The following GLUL variants were observed in gnomAD, a reference collection of about 807,000 sequenced individuals.
The protein encoded by GLUL is glutamate-ammonia ligase, also known as glutamine synthetase.
A neutral mutation model predicts 36.9 loss-of-function variants in GLUL; 8 were observed. That is an observed-to-expected ratio of 0.22 (90% CI 0.13 to 0.39). GLUL has a LOEUF of 0.39. Ranked by LOEUF, GLUL falls within the 10% of genes least tolerant of loss-of-function variation. The probability of loss-of-function intolerance (pLI) is 1.00; values close to 1 mark genes in which losing one functional copy is unlikely to be tolerated. For missense variants in GLUL, 315 were observed against 501.8 expected (o/e 0.63, Z 3.56); for synonymous variants, 182 against 172.8 (o/e 1.05, Z -0.42).
In GLUL at chr1:182,384,027, G is replaced by A. The variant is rs538597312; in HGVS notation, c.*378C>T. 173 of 294,124 alleles carry A rather than the reference G, an allele frequency of 5.9e-4. No homozygotes were observed. The highest frequency in any genetic ancestry group is 3.5e-3 in the African/African-American group (162 of 46,228). The allele number at this position is 294,124 out of a possible 1,614,324, so 18.2% of individuals were successfully genotyped here. On this transcript the variant is annotated 3_prime_UTR_variant, in exon 7 of 7. Transcript: ENST00000331872. ...GCAAGTCCTAACCTAACCAGAGTAC[G>A]TCAGGTCTTCCCCTTTCAGCTACCT...
rs1302149746 is a variant in GLUL at position 182,380,806 on chromosome 1, T to C, written c.*3599A>G. On this transcript the variant is annotated 3_prime_UTR_variant, in exon 7 of 7. Coordinates refer to ENST00000331872, the MANE Select transcript of GLUL (RefSeq NM_001033044.4). ...ACAGGATCTCTTGCTTTCATGAAGT[T>C]CAACTAGAAAGTCCTGTCGAATGAT... 2.6e-5 allele frequency among the ~76,000 whole-genome samples: 4 copies of C among 152,362 alleles called. No individual in the cohort carries two copies. In the South Asian group the frequency reaches 6.2e-4, roughly 24 times the overall value.
rs1558157895 is a variant in GLUL at position 182,384,791 on chromosome 1, C to CA, written c.804-69dup. The CA allele has an allele frequency of 5.4e-6, 6 of 1,117,754 alleles. No individual in the cohort carries two copies. In the South Asian group the frequency reaches 6.2e-5, roughly 12 times the overall value. The allele number at this position is 1,117,754 out of a possible 1,614,324, so 69.2% of individuals were successfully genotyped here. A position where few individuals can be genotyped will look rare whatever the true frequency, so the allele number is the denominator to read the frequency against. ...GTATGGAGCCAAGAATGAAGTGCAC[C>CA]AAAATATGATACCAGTAGAACAAAT... On this transcript the variant is annotated intron_variant, in intron 6 of 6. Transcript: ENST00000331872.
At position 182,384,116 on chromosome 1, in the gene GLUL, C is replaced by A. The variant is rs1222418916; in HGVS notation, c.*289G>T. 1 of 424,088 alleles carries A rather than the reference C, an allele frequency of 2.4e-6. No individual in the cohort carries two copies. The highest frequency in any genetic ancestry group is 5.3e-5 in the East Asian group (1 of 18,926). 26.3% of individuals were successfully genotyped at this position (424,088 alleles called of 1,614,324 possible). A position where few individuals can be genotyped will look rare whatever the true frequency, so the allele number is the denominator to read the frequency against. The stretch of plus-strand genomic sequence containing the variant: ...GATAGCTACGCCTATTGGACAGGTG[C>A]ACCCCATTAAATGGAAGCAGTGGTT... On this transcript the variant is annotated 3_prime_UTR_variant, in exon 7 of 7. Transcript: ENST00000331872.
chr1:182,383,947 C>T lies in GLUL; in HGVS notation c.*458G>A, dbSNP rs1481833855. 5.0e-6 allele frequency: 1 copy of T among 198,620 alleles called. No homozygotes were observed. The highest frequency in any genetic ancestry group is 1.1e-5 in the Non-Finnish European group (1 of 94,712). 12.3% of individuals were successfully genotyped at this position (198,620 alleles called of 1,614,324 possible). On this transcript the variant is annotated 3_prime_UTR_variant, in exon 7 of 7. Transcript: ENST00000331872. ...AACCCCTACCTTCTCTCCTAATTCC[C>T]ACTTTTAATAGAAAAGTTGGTTATA...
chr1:182,388,933 G>A, intron 1 of GLUL, 183 bp from the exon 2 acceptor site: 2 of 607,652 alleles, frequency 3.3e-6, no homozygotes, highest in Non-Finnish European at 3.0e-6. Flanking sequence ...TTTTATAGTA[G>A]GCAAAAATCT....
chr1:182,390,716 C>A, intron 1 of GLUL: 1 of 399,092 alleles, frequency 2.5e-6, no homozygotes, highest in Non-Finnish European at 4.4e-6. Flanking sequence ...GACTCGAGAT[C>A]TCTCCCCGGA....
chr1:182,379,985 C>G lies in GLUL; in HGVS notation c.*4420G>C, dbSNP rs911870699. Among the ~76,000 whole-genome samples the G allele has an allele frequency of 6.6e-6, 1 of 151,980 alleles. No homozygotes were observed. Among genetic ancestry groups the G allele is most frequent in the Non-Finnish European group, 1.5e-5 (1 of 68,000 alleles). ...TCAGTCTCCCAAGCAGCTGGGATTA[C>G]AGGCATGTGCCACCACGCCCGGCTA... On this transcript the variant is annotated 3_prime_UTR_variant, in exon 7 of 7. Transcript: ENST00000331872.
In GLUL at chr1:182,382,213, T is replaced by G. The variant is rs959850528; in HGVS notation, c.*2192A>C. 3.9e-5 allele frequency: 6 copies of G among 152,210 alleles called. No homozygotes were observed. The highest frequency in any genetic ancestry group is 8.8e-5 in the Non-Finnish European group (6 of 68,054). 9.4% of individuals were successfully genotyped at this position (152,210 alleles called of 1,614,324 possible). A position where few individuals can be genotyped will look rare whatever the true frequency, so the allele number is the denominator to read the frequency against. ...CAATAATTGCTTTTTGCTAGGTATA[T>G]GCACAGCATCATGGGAGCCGGAGGG... is the stretch of plus-strand genomic sequence containing the variant. On this transcript the variant is annotated 3_prime_UTR_variant, in exon 7 of 7. Coordinates refer to ENST00000331872, the MANE Select transcript of GLUL (RefSeq NM_001033044.4).
chr1:182,386,658 A>C (rs1650196340), intron 3 of GLUL: 1 of 547,794 alleles, frequency 1.8e-6, no homozygotes, highest in Non-Finnish European at 3.3e-6. Flanking sequence ...ATGGGAGTGG[A>C]TTTAGAACAG....
intron 5 of GLUL, 50 bp downstream of exon 5, chr1:182,385,710 T>C: frequency 6.8e-6 from 11 of 1,609,896 alleles, no homozygotes; most frequent in Non-Finnish European, 9.4e-6. Context: ...GCAAAAGTCC[T>C]ATGTACACCT....
rs1418646563 is a variant in GLUL, at chr1:182,382,789, A to AAT, written c.*1615_*1616insAT. On this transcript the variant is annotated 3_prime_UTR_variant, in exon 7 of 7. Coordinates refer to ENST00000331872, the MANE Select transcript of GLUL (RefSeq NM_001033044.4). The stretch of plus-strand genomic sequence containing the variant: ...GTCAGCAACATCACTCCAGTGTTTT[A>AAT]AAAACTCAGAGTACATAAACTTGAG... 1 of 152,230 alleles carries AAT rather than the reference A, an allele frequency of 6.6e-6. No individual in the cohort carries two copies. Among genetic ancestry groups the AAT allele is most frequent in the Non-Finnish European group, 1.5e-5 (1 of 68,030 alleles). 9.4% of individuals were successfully genotyped at this position (152,230 alleles called of 1,614,324 possible).
At chr1:182,391,415 T>C (rs1283134412) in intron 1 of GLUL, 1 of 391,672 alleles carries the variant, frequency 2.6e-6, no homozygotes, top group Admixed American at 4.4e-5. Flanking sequence ...GAAAAGAAGA[T>C]CAAAACAACT....
rs939425181 is a variant in GLUL, at chr1:182,381,798, T to C, written c.*2607A>G. 2.0e-5 allele frequency: 3 copies of C among 152,194 alleles called. No individual in the cohort carries two copies. The highest frequency in any genetic ancestry group is 1.9e-4 in the East Asian group (1 of 5,174). 9.4% of individuals were successfully genotyped at this position (152,194 alleles called of 1,614,324 possible). A position where few individuals can be genotyped will look rare whatever the true frequency, so the allele number is the denominator to read the frequency against. On this transcript the variant is annotated 3_prime_UTR_variant, in exon 7 of 7. Transcript: ENST00000331872. ...CCAAGCAAAGGGAAGACAACTTCAG[T>C]TGGGGGGGTGGAAGCACAGATTCAA... is the stretch of plus-strand genomic sequence containing the variant.
intron 6 of GLUL, 104 bp from the exon 7 acceptor site, chr1:182,384,827 G>A: frequency 1.2e-6 from 1 of 832,088 alleles, no homozygotes. Context: ...ACTTCATGAG[G>A]GCAGTGGCTG....
chr1:182,387,416 G>A, intron 2 of GLUL, 124 bp from the exon 3 acceptor site: 2 of 774,660 alleles, frequency 2.6e-6, no homozygotes, highest in Non-Finnish European at 4.6e-6. Flanking sequence ...ATTCATTAAG[G>A]TATAAATGCC....
chr1:182,386,988 T>C, intron 3 of GLUL, 143 bp downstream of exon 3: 1 of 741,634 alleles, frequency 1.3e-6, no homozygotes, highest in East Asian at 2.6e-5. Context: ...AAAGCAGAAG[T>C]TCAGGGAAAA....
rs1334976087 is a variant in GLUL, at chr1:182,383,643, C to G, written c.*762G>C. The stretch of plus-strand genomic sequence containing the variant: ...CTTTATTTCTAATCCGACTATTTGT[C>G]TCAAATTTGGTGCCCCGTGACCTGG... On this transcript the variant is annotated 3_prime_UTR_variant, in exon 7 of 7. Coordinates refer to ENST00000331872, the MANE Select transcript of GLUL (RefSeq NM_001033044.4). 6.6e-6 allele frequency: 1 copy of G among 152,194 alleles called. No individual in the cohort carries two copies. Among genetic ancestry groups the G allele is most frequent in the African/African-American group, 2.4e-5 (1 of 41,432 alleles). 9.4% of individuals were successfully genotyped at this position (152,194 alleles called of 1,614,324 possible).
intron 3 of GLUL, 147 bp from the exon 4 acceptor site, chr1:182,386,549 T>C (rs1301404839): frequency 1.2e-5 from 9 of 743,658 alleles, no homozygotes; most frequent in Admixed American, 1.1e-4. Context: ...CTTCTTGGGA[T>C]CACCGAGTCA....
rs1297196714 is a variant in GLUL at position 182,381,494 on chromosome 1, C to T, written c.*2911G>A. Among the ~76,000 whole-genome samples the T allele has an allele frequency of 2.6e-5, 4 of 152,062 alleles. No individual in the cohort carries two copies. Among genetic ancestry groups the T allele is most frequent in the African/African-American group, 9.7e-5 (4 of 41,392 alleles). On this transcript the variant is annotated 3_prime_UTR_variant, in exon 7 of 7. Transcript: ENST00000331872. ...TCACTGATAAAAGTTATCACATAAC[C>T]CATTGTCTGCAAATGAACTATAAAA...
Sources: gnomAD v4.1 joint callset for allele counts (sites outside exome capture counted in the v4.1 genomes callset) on GRCh38, gnomAD v4.1.1 for gene constraint, MANE v1.5 for transcripts, NCBI Gene and HGNC (gene_info 2026-07-23, HGNC 2026-07-21) for gene names.